ROBO2: variants seen among roughly 807,000 people sequenced by gnomAD.
ROBO2 encodes the protein roundabout guidance receptor 2, also known as roundabout homolog 2.
ROBO2 carries 53 observed loss-of-function variants against 160.8 expected under a neutral mutation model. The ratio of observed to expected loss-of-function variants is 0.33; its 90% CI spans 0.26 to 0.41. The LOEUF (loss-of-function observed/expected upper bound fraction) is 0.41. Among genes scored for constraint, ROBO2 ranks in the 10% least tolerant of loss-of-function variants. The probability of loss-of-function intolerance (pLI) is 1.00; values close to 1 mark genes in which losing one functional copy is unlikely to be tolerated. For missense variants in ROBO2, 1,577 were observed against 1,722.4 expected, an observed-to-expected ratio of 0.92 and a Z score of 1.49; for synonymous variants, 664 against 611.7, an observed-to-expected ratio of 1.09 and a Z score of -1.26.
intron 2 of ROBO2, among the ~76,000 whole-genome samples, chr3:76,966,778 A>G (rs2059316294): frequency 6.6e-6 from 1 of 152,226 alleles, no homozygotes; most frequent in Non-Finnish European, 1.5e-5. Flanking sequence ...TGGATAAAAT[A>G]GGATAAAATG....
At chr3:76,892,199 G>A (rs1194553798) in intron 2 of ROBO2, among the ~76,000 whole-genome samples, 1 of 151,968 alleles carries the variant, frequency 6.6e-6, no homozygotes, top group Admixed American at 6.5e-5. Context: ...CAGTGGTTCC[G>A]TCTCCCCGTG....
intron 2 of ROBO2, among the ~76,000 whole-genome samples, chr3:77,195,132 C>T (rs1417343997): frequency 6.6e-6 from 1 of 152,146 alleles, no homozygotes; most frequent in Non-Finnish European, 1.5e-5. Flanking sequence ...AGTTTCATTA[C>T]ATTCAGGTAA....
chr3:75,931,750 T>C, intron 1 of ROBO2, among the ~76,000 whole-genome samples: 1 of 152,196 alleles, frequency 6.6e-6, no homozygotes, highest in East Asian at 1.9e-4. Context: ...ACCCTTGTTG[T>C]GTATTCAGTC....
intron 2 of ROBO2, among the ~76,000 whole-genome samples, chr3:77,353,058 A>G (rs573365525): frequency 1.3e-5 from 2 of 152,332 alleles, no homozygotes; most frequent in Non-Finnish European, 2.9e-5. Context: ...TTTAAATTCT[A>G]TGATGAAGGA....
Position 76,336,479 on chromosome 3 carries a change from C to G in ROBO2, c.109+398877C>G, listed in dbSNP as rs528223128. The stretch of plus-strand genomic sequence containing the variant: ...CAAGTTTCTCATTCCAACAATGTCC[C>G]TTTTATGGAGATTATCTTGGGAAAC... On this transcript the variant is annotated intron_variant, in intron 2 of 26. Transcript: ENST00000487694. 7.2e-5 allele frequency among the ~76,000 whole-genome samples: 11 copies of G among 152,262 alleles called. No individual in the cohort carries two copies. The East Asian group carries it at 2.1e-3, about 29-fold the overall frequency.
At chr3:76,580,111 A>G (rs1419491255) in intron 2 of ROBO2, among the ~76,000 whole-genome samples, 2 of 152,130 alleles carry the variant, frequency 1.3e-5, no homozygotes, top group African/African-American at 4.8e-5. Context: ...CTGATTTAGG[A>G]TATCAGTAGG....
intron 2 of ROBO2, among the ~76,000 whole-genome samples, chr3:77,320,384 C>A (rs1425251874): frequency 6.6e-6 from 1 of 152,074 alleles, no homozygotes; most frequent in African/African-American, 2.4e-5. Context: ...TGGGGAATGA[C>A]AGTGATTGTG....
chr3:75,983,384 T>G (rs1473245710), intron 2 of ROBO2, among the ~76,000 whole-genome samples: 2 of 151,428 alleles, frequency 1.3e-5, no homozygotes, highest in Non-Finnish European at 3.0e-5. Flanking sequence ...ACTGGCACAA[T>G]GAAATGTGTA....
chr3:76,090,469 A>G (rs545703849), intron 2 of ROBO2, among the ~76,000 whole-genome samples: 2 of 152,276 alleles, frequency 1.3e-5, no homozygotes, highest in South Asian at 2.1e-4. Context: ...AAATGAGGCT[A>G]TATTTCATGT....
At chr3:77,129,542 T>C (rs2075657859) in intron 2 of ROBO2, among the ~76,000 whole-genome samples, 1 of 152,298 alleles carries the variant, frequency 6.6e-6, no homozygotes, top group Non-Finnish European at 1.5e-5. Flanking sequence ...TCGAGATGCT[T>C]GAAGAAGTGA....
intron 2 of ROBO2, among the ~76,000 whole-genome samples, chr3:76,428,789 A>C (rs2076320418): frequency 6.6e-6 from 1 of 152,186 alleles, no homozygotes; most frequent in Admixed American, 6.5e-5. Context: ...GCCACGCGAA[A>C]GTGATAACAC....
At chr3:76,603,369 T>A (rs1301633162) in intron 2 of ROBO2, among the ~76,000 whole-genome samples, 19 of 135,984 alleles carry the variant, frequency 1.4e-4, no homozygotes, top group African/African-American at 4.7e-4. Flanking sequence ...TATATATATA[T>A]ATATATATAT....
At chr3:76,318,739 AT>A (rs1257684815) in intron 2 of ROBO2, among the ~76,000 whole-genome samples, 2 of 151,878 alleles carry the variant, frequency 1.3e-5, no homozygotes, top group South Asian at 2.1e-4. Context: ...GAGCAATTTC[AT>A]TTTTTTTAGT....
Position 77,548,808 on chromosome 3 carries a change from GAGAGAA to G in ROBO2, c.1060-1998_1060-1993del, listed in dbSNP as rs905984280. ...GTGGTGGGAGAGAAAGAGAGAGAGA[GAGAGAA>G]AGAGAAAGAGATACACAGAGAGAAA... On this transcript the variant is annotated intron_variant, in intron 7 of 25. Transcript: ENST00000461745. 2.5e-4 allele frequency among the ~76,000 whole-genome samples: 38 copies of G among 152,006 alleles called. No homozygotes were observed. The East Asian group carries it at 7.4e-3, about 30-fold the overall frequency.
intron 1 of ROBO2, among the ~76,000 whole-genome samples, chr3:77,050,593 T>G (rs28627941): frequency 2.0e-5 from 3 of 151,606 alleles, no homozygotes; most frequent in Non-Finnish European, 2.9e-5. Flanking sequence ...TGTTTTTTGG[T>G]TTTTTTTCCC....
At chr3:77,104,056 T>C (rs1477334467) in intron 2 of ROBO2, among the ~76,000 whole-genome samples, 1 of 152,202 alleles carries the variant, frequency 6.6e-6, no homozygotes, top group Non-Finnish European at 1.5e-5. Context: ...AAATGCTTAA[T>C]TGAGATATAT....
chr3:76,607,902 C>A (rs1368007944), intron 2 of ROBO2, among the ~76,000 whole-genome samples: 2 of 152,272 alleles, frequency 1.3e-5, no homozygotes, highest in East Asian at 3.9e-4. Context: ...TAGACCTGAC[C>A]TTCAACACTT....
At chr3:76,371,730 G>A (rs999149852) in intron 2 of ROBO2, among the ~76,000 whole-genome samples, 1 of 151,692 alleles carries the variant, frequency 6.6e-6, no homozygotes, top group Non-Finnish European at 1.5e-5. Context: ...ATTACTTCTG[G>A]CTCCTGGCAA....
At chr3:76,237,387 T>C (rs1705010174) in intron 2 of ROBO2, among the ~76,000 whole-genome samples, 1 of 152,192 alleles carries the variant, frequency 6.6e-6, no homozygotes, top group East Asian at 1.9e-4. Flanking sequence ...AAATAGAAAC[T>C]AAACCTTTAC....
Sources: allele counts gnomAD v4.1 joint callset (sites outside exome capture counted in the v4.1 genomes callset), GRCh38; gene constraint gnomAD v4.1.1; transcripts MANE v1.5; gene names NCBI Gene and HGNC (gene_info 2026-07-23, HGNC 2026-07-21).